The following TTC29 variants were observed in gnomAD, a reference collection of about 807,000 sequenced individuals.
TTC29 encodes the protein tetratricopeptide repeat domain 29.
Under a neutral mutation model 58.1 loss-of-function variants are expected in TTC29, and 49 were observed. The observed-to-expected ratio is 0.84, with a 90% CI of 0.67 to 1.07. The LOEUF is 1.07. Among genes scored for constraint, TTC29 ranks in the 50% least tolerant of loss-of-function variants. TTC29 has a pLI of 0.00. For synonymous variants in TTC29, 209 were observed against 196.8 expected, an observed-to-expected ratio of 1.06 and a Z score of -0.52; for missense variants, 582 against 555.6, an observed-to-expected ratio of 1.05 and a Z score of -0.48.
At chr4:146,745,783 C>T (rs1745497552) in intron 11 of TTC29, among the ~76,000 whole-genome samples, 1 of 152,158 alleles carries the variant, frequency 6.6e-6, no homozygotes, top group Non-Finnish European at 1.5e-5. Context: ...TACATAAAGG[C>T]TACCCAATAT....
intron 2 of TTC29, among the ~76,000 whole-genome samples, chr4:146,941,179 G>A (rs1736355917): frequency 6.6e-6 from 1 of 152,158 alleles, no homozygotes; most frequent in Non-Finnish European, 1.5e-5. Flanking sequence ...GTTAAATAGA[G>A]AGGCATCCAA....
At chr4:146,728,683 T>C (rs1743981551) in intron 11 of TTC29, among the ~76,000 whole-genome samples, 1 of 146,694 alleles carries the variant, frequency 6.8e-6, no homozygotes, top group Admixed American at 7.0e-5. Context: ...CATATATGAT[T>C]ATATATAAAA....
intron 11 of TTC29, among the ~76,000 whole-genome samples, chr4:146,718,946 T>C (rs1743151629): frequency 6.6e-6 from 1 of 152,188 alleles, no homozygotes; most frequent in African/African-American, 2.4e-5. Context: ...CTCAGCATCA[T>C]TTATTAAAGA....
At position 146,711,812 on chromosome 4, in the gene TTC29, A is replaced by C. The variant is rs537439506; in HGVS notation, c.1331-4261T>G. Among the ~76,000 whole-genome samples the C allele has an allele frequency of 5.9e-5, 9 of 152,206 alleles. No individual in the cohort carries two copies. The South Asian group carries it at 1.7e-3, about 28-fold the overall frequency. On this transcript the variant is annotated intron_variant, in intron 11 of 12. Transcript: ENST00000325106. Reference sequence around the variant, plus strand: ...GGAACAGAAGTCTCCCTTCCCCACCATGTAAATCATATAAAATTACTCTGG... The same window carrying C: ...GGAACAGAAGTCTCCCTTCCCCACCCTGTAAATCATATAAAATTACTCTGG...
At chr4:146,942,735 G>T in intron 2 of TTC29, 1 of 958,700 alleles carries the variant, frequency 1.0e-6, no homozygotes, top group Non-Finnish European at 1.5e-6. Context: ...TGCCTCATTT[G>T]GGGCATTCCA....
intron 11 of TTC29, among the ~76,000 whole-genome samples, chr4:146,746,310 T>C (rs756192388): frequency 2.0e-5 from 3 of 152,226 alleles, no homozygotes; most frequent in Non-Finnish European, 4.4e-5. Flanking sequence ...TGTGTAGGAC[T>C]CGTTAGTATG....
At chr4:146,806,182 G>A (rs1750603136) in intron 10 of TTC29, among the ~76,000 whole-genome samples, 1 of 152,168 alleles carries the variant, frequency 6.6e-6, no homozygotes, top group African/African-American at 2.4e-5. Context: ...ACAAGCAAAT[G>A]CTGAGAGATT....
intron 11 of TTC29, among the ~76,000 whole-genome samples, chr4:146,742,689 A>C (rs1474023460): frequency 0.022 from 1,197 of 55,394 alleles, no homozygotes; most frequent in Admixed American, 0.028. Context: ...TTCCTCTTCT[A>C]CTCCTCCCCC....
chr4:146,861,678 C>T (rs1730241371), intron 8 of TTC29, among the ~76,000 whole-genome samples: 1 of 151,856 alleles, frequency 6.6e-6, no homozygotes, highest in Non-Finnish European at 1.5e-5. Flanking sequence ...AAATTAAAGC[C>T]TTTCCATTAA....
chr4:146,788,393 G>A (rs78987517), intron 11 of TTC29, among the ~76,000 whole-genome samples: 4,236 of 152,282 alleles, frequency 0.028, 78 homozygotes, highest in Non-Finnish European at 0.044. Flanking sequence ...TGAAGGTGAC[G>A]TTGGAAAACA....
chr4:146,809,006 C>T lies in TTC29; in HGVS notation c.1102-5321G>A, dbSNP rs962570198. Among the ~76,000 whole-genome samples, 12 of 151,430 alleles carry T rather than the reference C, an allele frequency of 7.9e-5. 1 individual carries two copies. The highest frequency in any genetic ancestry group is 2.1e-4 in the South Asian group (1 of 4,788). On this transcript the variant is annotated intron_variant, in intron 10 of 12. Coordinates refer to ENST00000325106, the MANE Select transcript of TTC29 (RefSeq NM_031956.4). ...AAACTATACTACAAGGCTACAGTAA[C>T]CAAAACAGCATGGTACTGGTACCAA...
At chr4:146,808,601 CAGAG>C (rs994281102) in intron 10 of TTC29, among the ~76,000 whole-genome samples, 2 of 152,122 alleles carry the variant, frequency 1.3e-5, no homozygotes, top group African/African-American at 4.8e-5. Flanking sequence ...CAATAACAGA[CAGAG>C]AGCCAAATCA....
chr4:146,942,845 G>C (rs1221337796), intron 2 of TTC29: 1 of 430,226 alleles, frequency 2.3e-6, no homozygotes, highest in Admixed American at 3.9e-5. Flanking sequence ...CATAATTGCA[G>C]GGGTCTTTGA....
chr4:146,890,986 G>A (rs1199829445), intron 6 of TTC29, among the ~76,000 whole-genome samples: 1 of 152,090 alleles, frequency 6.6e-6, no homozygotes, highest in Non-Finnish European at 1.5e-5. Context: ...CTGGCAGATG[G>A]TGGATTCACA....
At chr4:146,715,563 C>T (rs1742865910) in intron 11 of TTC29, among the ~76,000 whole-genome samples, 2 of 152,040 alleles carry the variant, frequency 1.3e-5, no homozygotes, top group South Asian at 4.2e-4. Context: ...TAAAATAATT[C>T]CAGCTCTTGG....
At chr4:146,875,127 A>C (rs990954917) in intron 6 of TTC29, among the ~76,000 whole-genome samples, 199 bp from the exon 7 acceptor site, 6 of 152,134 alleles carry the variant, frequency 3.9e-5, no homozygotes, top group African/African-American at 1.2e-4. Flanking sequence ...TTTTAGATAC[A>C]CACCTGCAAG....
chr4:146,710,683 C>T (rs1242348871), intron 11 of TTC29, among the ~76,000 whole-genome samples: 6 of 152,104 alleles, frequency 3.9e-5, no homozygotes, highest in African/African-American at 1.4e-4. Context: ...AACAGTACCA[C>T]TCTAGTAAGG....
intron 6 of TTC29, among the ~76,000 whole-genome samples, chr4:146,882,426 A>C (rs6852084): frequency 0.45 from 67,799 of 151,894 alleles, 15,561 homozygotes; most frequent in South Asian, 0.54. Flanking sequence ...CCATTTTGAA[A>C]CTTGTATAGT....
chr4:146,744,505 TAA>T (rs1561082028), intron 11 of TTC29, among the ~76,000 whole-genome samples: 1 of 152,138 alleles, frequency 6.6e-6, no homozygotes, highest in Non-Finnish European at 1.5e-5. Context: ...TCTTCCAGGA[TAA>T]AAAGAGATTC....
Sources: gnomAD v4.1 joint callset for allele counts (sites outside exome capture counted in the v4.1 genomes callset) on GRCh38, gnomAD v4.1.1 for gene constraint, MANE v1.5 for transcripts, NCBI Gene and HGNC (gene_info 2026-07-23, HGNC 2026-07-21) for gene names.